ZNF385D: variants seen among roughly 807,000 people sequenced by gnomAD.
ZNF385D encodes zinc finger protein 659.
ZNF385D carries 15 observed loss-of-function variants against 35.8 expected under a neutral mutation model. The observed-to-expected ratio is 0.42, with a 90% CI of 0.28 to 0.64. The LOEUF (loss-of-function observed/expected upper bound fraction) is 0.64. ZNF385D is among the 30% of genes least tolerant of loss of function. The pLI is 0.23. For missense variants in ZNF385D, 474 were observed against 494.6 expected, an observed-to-expected ratio of 0.96 and a Z score of 0.39; for synonymous variants, 212 against 186.8, an observed-to-expected ratio of 1.13 and a Z score of -1.10.
At chr3:22,305,860 T>C (rs745587910) in intron 2 of ZNF385D, among the ~76,000 whole-genome samples, 16 of 152,212 alleles carry the variant, frequency 1.1e-4, no homozygotes, top group Non-Finnish European at 2.2e-4. Context: ...GTTGTTACAA[T>C]TGTTTTGTTT....
intron 3 of ZNF385D, among the ~76,000 whole-genome samples, chr3:21,847,315 C>T (rs75522796): frequency 0.038 from 5,811 of 152,058 alleles, 381 homozygotes; most frequent in African/African-American, 0.13. Flanking sequence ...TGGAGTTCCA[C>T]TGTTTAAGAA....
Position 21,417,883 on chromosome 3 carries a change from T to C in ZNF385D, c.*3331A>G, listed in dbSNP as rs1210222139. 1.3e-5 allele frequency: 2 copies of C among 152,136 alleles called. No individual in the cohort carries two copies. Among genetic ancestry groups the C allele is most frequent in the Non-Finnish European group, 2.9e-5 (2 of 68,002 alleles). 9.4% of individuals were successfully genotyped at this position (152,136 alleles called of 1,614,324 possible). The stretch of plus-strand genomic sequence containing the variant: ...CTGCGATAGATCAGGAGAAGCCAAA[T>C]AGTACCTAAAGATAGAAATCCTTTC... On this transcript the variant is annotated 3_prime_UTR_variant, in exon 8 of 8. Transcript: ENST00000281523.
chr3:22,201,573 T>G (rs1400966415), intron 2 of ZNF385D, among the ~76,000 whole-genome samples: 1 of 152,046 alleles, frequency 6.6e-6, no homozygotes, highest in Non-Finnish European at 1.5e-5. Context: ...TTGTAGGTAT[T>G]TGTAAAGCAA....
At chr3:21,875,505 C>T (rs1697918425) in intron 3 of ZNF385D, among the ~76,000 whole-genome samples, 1 of 152,060 alleles carries the variant, frequency 6.6e-6, no homozygotes, top group Non-Finnish European at 1.5e-5. Flanking sequence ...CTCTAAATAC[C>T]ACTTCAAGCT....
At chr3:21,865,565 C>CA (rs1337880342) in intron 3 of ZNF385D, among the ~76,000 whole-genome samples, 1 of 152,024 alleles carries the variant, frequency 6.6e-6, no homozygotes, top group Non-Finnish European at 1.5e-5. Context: ...TTGAATATTA[C>CA]AAAATAAATT....
At chr3:21,816,632 G>T (rs373766243) in intron 3 of ZNF385D, among the ~76,000 whole-genome samples, 9 of 152,162 alleles carry the variant, frequency 5.9e-5, no homozygotes, top group African/African-American at 1.7e-4. Flanking sequence ...TACAAGGGAT[G>T]TGAAGGACCT....
At chr3:22,209,183 G>A (rs2125257162) in intron 2 of ZNF385D, among the ~76,000 whole-genome samples, 1 of 151,984 alleles carries the variant, frequency 6.6e-6, no homozygotes, top group Admixed American at 6.6e-5. Context: ...TATCTCTGGA[G>A]AGTTACAAAA....
intron 1 of ZNF385D, among the ~76,000 whole-genome samples, chr3:21,694,059 T>TTTTTTTTTTTTTTTTTTTTTTTTTTA (rs2067383267): frequency 8.6e-6 from 1 of 116,864 alleles, no homozygotes; most frequent in Non-Finnish European, 1.8e-5. Flanking sequence ...TTTTTTTTTT[T>TTTTTTTTTTTTTTTTTTTTTTTTTTA]TTGAGACAGA....
intron 3 of ZNF385D, among the ~76,000 whole-genome samples, chr3:22,165,938 C>T (rs1030298919): frequency 6.6e-6 from 1 of 152,162 alleles, no homozygotes; most frequent in Non-Finnish European, 1.5e-5. Context: ...GATCAAATAT[C>T]TTTGAAAACA....
rs1009188992 is a variant in ZNF385D, at chr3:21,414,272, G to A, written c.*6942C>T. ...TTGAAACTGACATAAGATTTTTGCTGATAAAATAAATGAAAGAAACTATGA... is the reference window on the plus strand; with the variant it reads ...TTGAAACTGACATAAGATTTTTGCTAATAAAATAAATGAAAGAAACTATGA... On this transcript the variant is annotated 3_prime_UTR_variant, in exon 8 of 8. Transcript: ENST00000281523. The A allele has an allele frequency of 2.0e-5, 3 of 151,958 alleles. No individual in the cohort carries two copies. Among genetic ancestry groups the A allele is most frequent in the Non-Finnish European group, 4.4e-5 (3 of 67,962 alleles). The allele number at this position is 151,958 out of a possible 1,614,324, so 9.4% of individuals were successfully genotyped here. A position where few individuals can be genotyped will look rare whatever the true frequency, so the allele number is the denominator to read the frequency against.
chr3:22,369,473 C>T (rs773810307), intron 2 of ZNF385D, among the ~76,000 whole-genome samples: 11 of 151,938 alleles, frequency 7.2e-5, no homozygotes, highest in Admixed American at 6.6e-5. Context: ...TTAACTACTG[C>T]CAAAAAATAA....
chr3:21,919,647 C>T (rs974670327), intron 3 of ZNF385D, among the ~76,000 whole-genome samples: 3 of 152,156 alleles, frequency 2.0e-5, no homozygotes, highest in African/African-American at 7.2e-5. Context: ...CTAGAATTAG[C>T]TTTGTTTAAC....
intron 3 of ZNF385D, among the ~76,000 whole-genome samples, chr3:21,920,720 G>A (rs1167409797): frequency 2.0e-5 from 3 of 151,526 alleles, no homozygotes; most frequent in African/African-American, 7.3e-5. Flanking sequence ...AATTGATGAA[G>A]TTAGGCAACT....
intron 2 of ZNF385D, among the ~76,000 whole-genome samples, chr3:22,189,961 T>A (rs919143863): frequency 3.9e-5 from 6 of 152,142 alleles, no homozygotes; most frequent in African/African-American, 1.2e-4. Context: ...ACCCTCATAT[T>A]ACCATCTGTT....
intron 3 of ZNF385D, among the ~76,000 whole-genome samples, chr3:22,123,739 T>C (rs1203495332): frequency 6.6e-6 from 1 of 152,036 alleles, no homozygotes; most frequent in African/African-American, 2.4e-5. Flanking sequence ...TGGGCACCTG[T>C]AATCTCAGCT....
intron 2 of ZNF385D, among the ~76,000 whole-genome samples, chr3:21,586,768 G>A (rs1031272528): frequency 1.3e-5 from 2 of 152,074 alleles, no homozygotes; most frequent in African/African-American, 4.8e-5. Context: ...AAAAAATAAT[G>A]CAAAACAAGT....
At chr3:22,253,714 T>A (rs990088973) in intron 2 of ZNF385D, among the ~76,000 whole-genome samples, 2 of 151,952 alleles carry the variant, frequency 1.3e-5, no homozygotes, top group Non-Finnish European at 2.9e-5. Context: ...CAAGAATGAT[T>A]AGATAAGAAT....
At chr3:22,145,044 A>C (rs76634045) in intron 3 of ZNF385D, among the ~76,000 whole-genome samples, 5,056 of 151,092 alleles carry the variant, frequency 0.033, 277 homozygotes, top group African/African-American at 0.11. Context: ...GTGTGTAGTC[A>C]CAATTAGTTA....
At chr3:21,843,052 A>G (rs533721483) in intron 3 of ZNF385D, among the ~76,000 whole-genome samples, 2 of 152,182 alleles carry the variant, frequency 1.3e-5, no homozygotes, top group East Asian at 1.9e-4. Context: ...TTAAGAAGAG[A>G]TCCTTTAGAA....
Sources: allele counts gnomAD v4.1 joint callset (sites outside exome capture counted in the v4.1 genomes callset), GRCh38; gene constraint gnomAD v4.1.1; transcripts MANE v1.5; gene names NCBI Gene and HGNC (gene_info 2026-07-23, HGNC 2026-07-21).